Variants in RASA1 observed in about 807,000 individuals in gnomAD.
RASA1 encodes ras GTPase-activating protein 1.
RASA1 carries 25 observed loss-of-function variants against 132.2 expected under a neutral mutation model. The observed-to-expected ratio is 0.19, with a 90% CI of 0.14 to 0.26. The LOEUF is 0.26. Ranked by LOEUF, RASA1 falls within the 10% of genes least tolerant of loss-of-function variation. RASA1 has a pLI of 1.00. For missense variants in RASA1, 964 were observed against 1,299.2 expected, an observed-to-expected ratio of 0.74 and a Z score of 3.97; for synonymous variants, 477 against 449.9, an observed-to-expected ratio of 1.06 and a Z score of -0.76.
chr5:87,291,666 C>G (rs969059228), intron 1 of RASA1, among the ~76,000 whole-genome samples: 2 of 152,132 alleles, frequency 1.3e-5, no homozygotes, highest in Non-Finnish European at 2.9e-5. Context: ...TTTGTTTTCA[C>G]GAGGTCTGGT....
At chr5:87,326,838 A>C (rs1757266281) in intron 1 of RASA1, among the ~76,000 whole-genome samples, 2 of 152,192 alleles carry the variant, frequency 1.3e-5, no homozygotes, top group African/African-American at 4.8e-5. Context: ...GAGTTTTGAG[A>C]AAATTTCCTC....
chr5:87,350,777 T>C (rs1286875586), intron 8 of RASA1, among the ~76,000 whole-genome samples: 1 of 151,622 alleles, frequency 6.6e-6, no homozygotes. Flanking sequence ...CCCCAGAACT[T>C]TGATTTTTAT....
At chr5:87,275,566 G>A (rs975470183) in intron 1 of RASA1, among the ~76,000 whole-genome samples, 2 of 151,828 alleles carry the variant, frequency 1.3e-5, no homozygotes, top group African/African-American at 4.8e-5. Flanking sequence ...ACTTGAAGAA[G>A]GTTGGCCTTC....
At position 87,268,441 on chromosome 5, in the gene RASA1, C is replaced by G. The variant is rs547906803; in HGVS notation, c.-11C>G. ...GCGGGCAGGGTAGGGCAGAGTAGAGCGGGCTTCAACATGATGGCGGCCGAG... is the reference window on the plus strand; with the variant it reads ...GCGGGCAGGGTAGGGCAGAGTAGAGGGGGCTTCAACATGATGGCGGCCGAG... On this transcript the variant is annotated 5_prime_UTR_variant, in exon 1 of 25. Transcript: ENST00000274376. The G allele has an allele frequency of 9.7e-6, 15 of 1,539,488 alleles. No homozygotes were observed. Among genetic ancestry groups the G allele is most frequent in the Middle Eastern group, 2.2e-4 (1 of 4,476 alleles).
intron 5 of RASA1, among the ~76,000 whole-genome samples, chr5:87,338,537 T>TATATATA (rs1421369290): frequency 2.5e-5 from 2 of 79,794 alleles, no homozygotes; most frequent in Admixed American, 1.3e-4. Context: ...ATATATAAAA[T>TATATATA]TTTTTTTTTT....
intron 2 of RASA1, among the ~76,000 whole-genome samples, chr5:87,331,937 G>A (rs3804239): frequency 0.15 from 23,307 of 151,876 alleles, 2,089 homozygotes; most frequent in Non-Finnish European, 0.2. Flanking sequence ...AAATTTTCAA[G>A]TACAAATATT....
chr5:87,315,020 G>A (rs1443029555), intron 1 of RASA1, among the ~76,000 whole-genome samples: 1 of 152,110 alleles, frequency 6.6e-6, no homozygotes, highest in Admixed American at 6.5e-5. Flanking sequence ...TGGGAGCTAG[G>A]CAGAATGTGG....
intron 1 of RASA1, among the ~76,000 whole-genome samples, chr5:87,317,630 T>G (rs1346259942): frequency 6.6e-6 from 1 of 151,672 alleles, no homozygotes; most frequent in East Asian, 1.9e-4. Flanking sequence ...GTTTTTCTCA[T>G]GCTCTTTTTT....
chr5:87,290,543 C>G (rs922993453), intron 1 of RASA1, among the ~76,000 whole-genome samples: 34 of 152,142 alleles, frequency 2.2e-4, no homozygotes, highest in Admixed American at 9.8e-4. Context: ...TGGCATTGTA[C>G]ATTCTATAGG....
At chr5:87,335,951 C>A (rs771641611) in intron 4 of RASA1, among the ~76,000 whole-genome samples, 11 of 152,144 alleles carry the variant, frequency 7.2e-5, no homozygotes, top group Non-Finnish European at 1.6e-4. Context: ...CAAGAAAGTA[C>A]CACTCGTTGA....
At chr5:87,329,970 T>G (rs1350309689) in intron 1 of RASA1, among the ~76,000 whole-genome samples, 1 of 152,160 alleles carries the variant, frequency 6.6e-6, no homozygotes, top group Non-Finnish European at 1.5e-5. Flanking sequence ...TTACTTGTCA[T>G]TTGTCTCAAA....
At chr5:87,389,362 T>A in intron 23 of RASA1, 31 bp from the exon 24 acceptor site, 1 of 1,613,410 alleles carries the variant, frequency 6.2e-7, no homozygotes. Context: ...AGATTTGTAT[T>A]TCTAAATGCA....
Position 87,349,384 on chromosome 5 carries a change from C to T in RASA1, c.1253+20C>T. On this transcript the variant is annotated intron_variant, in intron 8 of 24. Coordinates refer to ENST00000274376, the MANE Select transcript of RASA1 (RefSeq NM_002890.3). ...TAACAGGTAAATCATAATTTTTTAG[C>T]TATCTTTTACTTTTCGCAAAAATAG... The T allele has an allele frequency of 6.2e-7, 1 of 1,609,970 alleles. No homozygotes were observed. Among genetic ancestry groups the T allele is most frequent in the Non-Finnish European group, 8.5e-7 (1 of 1,177,300 alleles).
chr5:87,345,414 G>A (rs766344607), intron 6 of RASA1, among the ~76,000 whole-genome samples: 3 of 152,092 alleles, frequency 2.0e-5, no homozygotes, highest in African/African-American at 7.2e-5. Flanking sequence ...GTCAGGTCAT[G>A]TAGTTGACTG....
intron 1 of RASA1, among the ~76,000 whole-genome samples, chr5:87,282,735 A>AT (rs1754370323): frequency 6.6e-6 from 1 of 151,914 alleles, no homozygotes; most frequent in Non-Finnish European, 1.5e-5. Context: ...CTTTTTAGTC[A>AT]TTTTTCTTCC....
At chr5:87,314,202 A>C (rs1381315017) in intron 1 of RASA1, among the ~76,000 whole-genome samples, 1 of 152,184 alleles carries the variant, frequency 6.6e-6, no homozygotes, top group Non-Finnish European at 1.5e-5. Flanking sequence ...AAATAAAAAA[A>C]TAAAGAAAGT....
chr5:87,324,729 G>A (rs887260570), intron 1 of RASA1, among the ~76,000 whole-genome samples: 1 of 151,802 alleles, frequency 6.6e-6, no homozygotes, highest in Non-Finnish European at 1.5e-5. Context: ...ATATAAACAC[G>A]CCCTCTTCTC....
chr5:87,272,979 C>A (rs1458958786), intron 1 of RASA1, among the ~76,000 whole-genome samples: 2 of 151,888 alleles, frequency 1.3e-5, no homozygotes, highest in Non-Finnish European at 2.9e-5. Context: ...GTAACTGGTC[C>A]CCTTAGTTAT....
intron 1 of RASA1, among the ~76,000 whole-genome samples, chr5:87,314,795 T>C (rs1015378081): frequency 6.6e-6 from 1 of 152,132 alleles, no homozygotes; most frequent in African/African-American, 2.4e-5. Context: ...GATTGAAAGA[T>C]CCAGTTGCTG....
Sources: gnomAD v4.1 joint callset for allele counts (sites outside exome capture counted in the v4.1 genomes callset) on GRCh38, gnomAD v4.1.1 for gene constraint, MANE v1.5 for transcripts, NCBI Gene and HGNC (gene_info 2026-07-23, HGNC 2026-07-21) for gene names.